Variants in CHAT observed in about 807,000 individuals in gnomAD.
CHAT encodes the protein choline O-acetyltransferase.
CHAT carries 61 observed loss-of-function variants against 76.9 expected under a neutral mutation model. The ratio of observed to expected loss-of-function variants is 0.79; its 90% CI spans 0.65 to 0.98. CHAT has a LOEUF of 0.98. CHAT is among the 50% of genes least tolerant of loss of function. CHAT has a pLI of 0.00. For missense variants in CHAT, 946 were observed against 986.9 expected (o/e 0.96, Z 0.56); for synonymous variants, 407 against 397.4 (o/e 1.02, Z -0.29).
Position 49,665,014 on chromosome 10 carries a change from GC to G in CHAT, c.2217del (p.Thr740ArgfsTer14). ...CAAGCCATTGGCAACAAAGGAAAAA[GC>G]CACGAGGCCCAGCCAGGGACACCAA... ...ESKPLATKEK[A>X]TRPSQGHQP On this transcript the variant is annotated frameshift_variant, in exon 15 of 15. Coordinates refer to ENST00000337653, the MANE Select transcript of CHAT (RefSeq NM_020549.5). LOFTEE classifies it high-confidence loss of function. 1 of 1,614,160 alleles carries G rather than the reference GC, an allele frequency of 6.2e-7. No individual in the cohort carries two copies. The highest frequency in any genetic ancestry group is 2.2e-5 in the East Asian group (1 of 44,882).
upstream of CHAT, chr10:49,612,335 G>A (rs374783600): frequency 1.2e-4 from 191 of 1,583,298 alleles, no homozygotes; most frequent in Non-Finnish European, 1.6e-4. Flanking sequence ...TACACCCGCA[G>A]CTAGCATCCC....
chr10:49,659,413 C>G (rs1281004073), intron 13 of CHAT, among the ~76,000 whole-genome samples: 2 of 151,830 alleles, frequency 1.3e-5, no homozygotes, highest in Non-Finnish European at 2.9e-5. Context: ...AGATTTAACA[C>G]AAGAAAAAGA....
At chr10:49,610,749 C>T (rs1175912674), upstream of CHAT, 5 of 1,522,840 alleles carry the variant, frequency 3.3e-6, no homozygotes, top group Admixed American at 2.3e-5. Context: ...GCATGGAATC[C>T]GCGGAACCTG....
intron 13 of CHAT, among the ~76,000 whole-genome samples, chr10:49,662,253 C>T (rs1476538383): frequency 1.3e-5 from 2 of 152,254 alleles, no homozygotes; most frequent in Non-Finnish European, 2.9e-5. Context: ...CTGCACACAG[C>T]CTTCTTCCCA....
At chr10:49,616,008 C>G in intron 1 of CHAT, 1 of 1,612,178 alleles carries the variant, frequency 6.2e-7, no homozygotes, top group East Asian at 2.2e-5. Flanking sequence ...CATTCCTTTC[C>G]CTCCACCAAC....
intron 13 of CHAT, among the ~76,000 whole-genome samples, chr10:49,662,420 C>T (rs928716610): frequency 6.6e-6 from 1 of 152,226 alleles, no homozygotes; most frequent in African/African-American, 2.4e-5. Flanking sequence ...CTGCTCTGGA[C>T]TCATTCAGTG....
intron 7 of CHAT, among the ~76,000 whole-genome samples, chr10:49,636,984 T>A (rs1364343676): frequency 6.6e-6 from 1 of 152,150 alleles, no homozygotes; most frequent in Non-Finnish European, 1.5e-5. Context: ...GTCTGCAGGG[T>A]CTGTAGTGAT....
intron 11 of CHAT, 60 bp from the exon 12 acceptor site, chr10:49,655,035 C>T (rs914906111): frequency 8.7e-5 from 138 of 1,594,304 alleles, no homozygotes; most frequent in Non-Finnish European, 1.0e-4. Context: ...TTTTTCTTTC[C>T]GAGTTTATGA....
intron 7 of CHAT, among the ~76,000 whole-genome samples, chr10:49,643,123 C>G (rs1050748624): frequency 6.6e-6 from 1 of 152,242 alleles, no homozygotes; most frequent in African/African-American, 2.4e-5. Flanking sequence ...TTCTCTGGTC[C>G]TGACCTGTAA....
chr10:49,633,042 G>A (rs1280525040), intron 7 of CHAT, among the ~76,000 whole-genome samples: 2 of 152,250 alleles, frequency 1.3e-5, no homozygotes, highest in Non-Finnish European at 2.9e-5. Context: ...AACCAAAGCA[G>A]CAATTCAGAC....
At chr10:49,646,354 T>C in intron 7 of CHAT, 151 bp from the exon 8 acceptor site, 1 of 953,774 alleles carries the variant, frequency 1.0e-6, no homozygotes, top group Non-Finnish European at 1.7e-6. Flanking sequence ...CCACCCACAG[T>C]GGGGCAAGGT....
At chr10:49,640,482 C>G (rs1839442834) in intron 7 of CHAT, among the ~76,000 whole-genome samples, 1 of 146,074 alleles carries the variant, frequency 6.8e-6, no homozygotes, top group Non-Finnish European at 1.5e-5. Flanking sequence ...GGGGAGGGGA[C>G]TCCTTATTAC....
At chr10:49,628,522 G>A (rs1034855756) in intron 7 of CHAT, among the ~76,000 whole-genome samples, 5 of 152,198 alleles carry the variant, frequency 3.3e-5, no homozygotes, top group Non-Finnish European at 5.9e-5. Context: ...GCTTGGCTCA[G>A]GGAGTATGGG....
At chr10:49,662,975 A>G (rs565976696) in intron 14 of CHAT, among the ~76,000 whole-genome samples, 193 bp downstream of exon 14, 6 of 152,198 alleles carry the variant, frequency 3.9e-5, no homozygotes, top group Non-Finnish European at 8.8e-5. Flanking sequence ...GCTTACAACT[A>G]TAATCCCAAC....
intron 8 of CHAT, chr10:49,647,250 G>T (rs954761014): frequency 1.3e-5 from 2 of 157,082 alleles, no homozygotes; most frequent in Non-Finnish European, 2.8e-5. Context: ...CATGACATCA[G>T]CCTAGAAGCA....
intron 1 of CHAT, chr10:49,616,049 A>G (rs1482599248): frequency 1.2e-6 from 2 of 1,613,714 alleles, no homozygotes; most frequent in Admixed American, 3.3e-5. Context: ...ACTCCACACC[A>G]GAGATGTGGC....
rs1275255344 is a variant in CHAT at position 49,667,375 on chromosome 10, TC to T, written c.*2330del. On this transcript the variant is annotated 3_prime_UTR_variant, in exon 15 of 15. Transcript: ENST00000337653. ...TTACACTGATATGACAGACTCAAAC[TC>T]ATATTTGCTATTCTCCGAGCACATG... 7.9e-5 allele frequency among the ~76,000 whole-genome samples: 12 copies of T among 152,226 alleles called. No individual in the cohort carries two copies. The highest frequency in any genetic ancestry group is 2.4e-4 in the African/African-American group (10 of 41,468).
chr10:49,648,905 A>G (rs1839776093), intron 9 of CHAT, among the ~76,000 whole-genome samples: 1 of 152,116 alleles, frequency 6.6e-6, no homozygotes, highest in Admixed American at 6.6e-5. Flanking sequence ...CTACATCGAT[A>G]CCTATTGCTT....
intron 7 of CHAT, among the ~76,000 whole-genome samples, chr10:49,634,442 G>C (rs1374040046): frequency 6.6e-6 from 1 of 152,222 alleles, no homozygotes; most frequent in Admixed American, 6.5e-5. Flanking sequence ...TGGTGAACTT[G>C]AACATGAGTA....
Sources: allele counts gnomAD v4.1 joint callset (sites outside exome capture counted in the v4.1 genomes callset), GRCh38; gene constraint gnomAD v4.1.1; transcripts MANE v1.5; gene names NCBI Gene and HGNC (gene_info 2026-07-23, HGNC 2026-07-21).